Variants in ASH1L observed in about 807,000 individuals in gnomAD.
ASH1L encodes histone-lysine N-methyltransferase ASH1L.
A neutral mutation model predicts 269.0 loss-of-function variants in ASH1L; 23 were observed. That is an observed-to-expected ratio of 0.09 (90% CI 0.06 to 0.12). The LOEUF is 0.12. Among genes scored for constraint, ASH1L ranks in the 10% least tolerant of loss-of-function variants. The pLI, the probability that ASH1L is intolerant of heterozygous loss-of-function variation, is 1.00. For synonymous variants in ASH1L, 1,187 were observed against 1,253.5 expected, an observed-to-expected ratio of 0.95 and a Z score of 1.12; for missense variants, 2,912 against 3,567.8, an observed-to-expected ratio of 0.82 and a Z score of 4.68.
At chr1:155,354,161 G>A (rs1202433833) in intron 16 of ASH1L, among the ~76,000 whole-genome samples, 7 of 152,248 alleles carry the variant, frequency 4.6e-5, no homozygotes, top group Non-Finnish European at 8.8e-5. Context: ...GAGTGTGGTG[G>A]CTTACGCCTG....
intron 2 of ASH1L, among the ~76,000 whole-genome samples, chr1:155,488,999 T>C (rs955581983): frequency 2.6e-5 from 4 of 152,220 alleles, no homozygotes; most frequent in Admixed American, 2.0e-4. Context: ...CAAGTGTACA[T>C]TCTTTTATAC....
intron 6 of ASH1L, among the ~76,000 whole-genome samples, chr1:155,406,963 T>C (rs1262690569): frequency 6.6e-6 from 1 of 152,040 alleles, no homozygotes; most frequent in Non-Finnish European, 1.5e-5. Flanking sequence ...GATAATTAAA[T>C]GGCCTTCAAA....
chr1:155,352,024 C>A (rs1453600580), intron 17 of ASH1L, among the ~76,000 whole-genome samples: 1 of 151,708 alleles, frequency 6.6e-6, no homozygotes, highest in Non-Finnish European at 1.5e-5. Flanking sequence ...ATGGAATTTA[C>A]GGTGAGGGGC....
chr1:155,490,562 G>A (rs535001167), intron 2 of ASH1L, among the ~76,000 whole-genome samples: 17 of 151,308 alleles, frequency 1.1e-4, no homozygotes, highest in African/African-American at 1.7e-4. Context: ...AGATTGCAGT[G>A]AGCAAAGATC....
chr1:155,438,435 T>C lies in ASH1L; in HGVS notation c.5720A>G (p.Asn1907Ser). The change falls in exon 5 of 28, where the codon AAC becomes AGC. Residue 1907 changes from asparagine to serine, a missense_variant. Coordinates refer to ENST00000392403, the MANE Select transcript of ASH1L (RefSeq NM_018489.3). ...CTTCAACCCCTTTTTATGTTCTGGG[T>C]TCAGATTTACACTCTGAACAACAGC... ...IEAVVQSVNL[N>S]PEHKKGLKRK... is the part of the protein sequence containing the mutation. 1 of 1,613,820 alleles carries C rather than the reference T, an allele frequency of 6.2e-7. No homozygotes were observed. Among genetic ancestry groups the C allele is most frequent in the African/African-American group, 1.3e-5 (1 of 75,010 alleles).
chr1:155,416,373 C>G (rs1195717673), intron 5 of ASH1L, among the ~76,000 whole-genome samples: 2 of 152,252 alleles, frequency 1.3e-5, no homozygotes, highest in African/African-American at 4.8e-5. Flanking sequence ...CCTGCCTTGG[C>G]CTCCCAAGTG....
At chr1:155,458,952 C>CTTT (rs368224681) in intron 4 of ASH1L, among the ~76,000 whole-genome samples, 11 of 134,536 alleles carry the variant, frequency 8.2e-5, no homozygotes, top group African/African-American at 2.5e-4. Context: ...CATCCTCTCT[C>CTTT]TTTTTTTTTT....
chr1:155,484,746 T>C (rs1356130565), intron 2 of ASH1L, among the ~76,000 whole-genome samples: 1 of 147,138 alleles, frequency 6.8e-6, no homozygotes, highest in Non-Finnish European at 1.5e-5. Flanking sequence ...CTGGCCAACA[T>C]GGTGAAACCC....
At chr1:155,489,026 G>A (rs1666556820) in intron 2 of ASH1L, among the ~76,000 whole-genome samples, 2 of 152,106 alleles carry the variant, frequency 1.3e-5, no homozygotes, top group African/African-American at 2.4e-5. Context: ...AGCCAACAAT[G>A]CTTGCTGTTT....
In ASH1L at chr1:155,480,563, A is replaced by C; in HGVS notation, c.2307T>G (p.Phe769Leu). The C allele has an allele frequency of 6.2e-7, 1 of 1,614,168 alleles. No homozygotes were observed. The highest frequency in any genetic ancestry group is 8.5e-7 in the Non-Finnish European group (1 of 1,179,992). The stretch of plus-strand genomic sequence containing the variant: ...GGCGTTTAAGGAAGTCATGATCTAC[A>C]AATGAAGGGGGTCCAATGTTTTTCA... Reference protein sequence around the residue: ...KFMKNIGPPSFVDHDFLKRRL... With the variant: ...KFMKNIGPPSLVDHDFLKRRL... The change falls in exon 3 of 28, where the codon TTT becomes TTG. Residue 769 changes from phenylalanine (F) to leucine (L), a missense_variant. Physicochemically the swap from Phe to Leu is conservative, Grantham distance 22 (BLOSUM62 0). This residue lies in a region of ASH1L where 715 missense variants were observed against 721.0 expected (regional missense o/e 0.99). Coordinates refer to ENST00000392403, the MANE Select transcript of ASH1L (RefSeq NM_018489.3).
At chr1:155,391,428 T>G (rs927346278) in intron 7 of ASH1L, among the ~76,000 whole-genome samples, 1 of 152,228 alleles carries the variant, frequency 6.6e-6, no homozygotes, top group African/African-American at 2.4e-5. Flanking sequence ...GCTTGTTCAT[T>G]ATAAGCATAT....
rs753517242 is a variant in ASH1L at position 155,480,877 on chromosome 1, T to C, written c.1993A>G (p.Ile665Val). Residue 665 changes from isoleucine to valine, a missense_variant, in exon 3 of 28, where the codon ATT becomes GTT. Around this residue, in one of 13 missense-constraint regions of ASH1L, gnomAD observed 715 missense variants for 721.0 expected, o/e 0.99. Transcript: ENST00000392403. ...GTGAAGTTAACAACTGAAGGAGTAA[T>C]AGTATGAATGCTGGATTCAGAAGTC... ...SLTSESSIHT[I>V]TPSVVNFTSL... is the part of the protein sequence containing the mutation. 6 of 1,613,968 alleles carry C rather than the reference T, an allele frequency of 3.7e-6. No individual in the cohort carries two copies. The South Asian group carries it at 4.4e-5, about 12-fold the overall frequency.
chr1:155,551,409 C>T lies in ASH1L; in HGVS notation c.-100+10744G>A, dbSNP rs567277521. The stretch of plus-strand genomic sequence containing the variant: ...GGCGCAGTGGCTCACGCCTGTAATC[C>T]CAGCACTTTGGGAGGCCGAGGCGGG... On this transcript the variant is annotated intron_variant, in intron 1 of 27. Transcript: ENST00000392403. Among the ~76,000 whole-genome samples, 25 of 152,158 alleles carry T rather than the reference C, an allele frequency of 1.6e-4. No homozygotes were observed. In the South Asian group the frequency reaches 4.2e-3, roughly 25 times the overall value.
chr1:155,428,484 C>T (rs1172939467), intron 5 of ASH1L, among the ~76,000 whole-genome samples: 1 of 151,862 alleles, frequency 6.6e-6, no homozygotes, highest in African/African-American at 2.4e-5. Context: ...ACAGGCCCCC[C>T]AAAATCTGGC....
chr1:155,466,077 G>A (rs988701075), intron 3 of ASH1L, among the ~76,000 whole-genome samples: 3 of 152,132 alleles, frequency 2.0e-5, no homozygotes, highest in Non-Finnish European at 2.9e-5. Flanking sequence ...TGTTTTGGCC[G>A]GGCGCTGTGG....
chr1:155,440,635 C>A, intron 4 of ASH1L: 1 of 418,258 alleles, frequency 2.4e-6, no homozygotes, highest in Non-Finnish European at 3.2e-6. Flanking sequence ...TCCTTTTCTC[C>A]AACCTTTAAA....
chr1:155,354,361 T>C, intron 16 of ASH1L, 112 bp downstream of exon 16: 1 of 963,966 alleles, frequency 1.0e-6, no homozygotes, highest in Non-Finnish European at 1.5e-6. Flanking sequence ...GATAATTGCT[T>C]GAACCCAGGA....
intron 1 of ASH1L, among the ~76,000 whole-genome samples, chr1:155,550,437 A>C (rs960232699): frequency 1.2e-4 from 19 of 152,282 alleles, no homozygotes; most frequent in Admixed American, 1.0e-3. Flanking sequence ...GATACCTATC[A>C]AGTCTTTAAG....
At position 155,479,434 on chromosome 1, in the gene ASH1L, T is replaced by C. The variant is rs779914136; in HGVS notation, c.3436A>G (p.Ile1146Val). The C allele has an allele frequency of 1.9e-6, 3 of 1,614,054 alleles. No homozygotes were observed. In the African/African-American group the frequency reaches 4.0e-5, roughly 22 times the overall value. Residue 1146 changes from isoleucine to valine, a missense_variant, in exon 3 of 28, where the codon ATT becomes GTT. Ile to Val is a conservative substitution (Grantham distance 29). Around this residue, in one of 13 missense-constraint regions of ASH1L, gnomAD observed 157 missense variants for 154.6 expected, o/e 1.02. Coordinates refer to ENST00000392403, the MANE Select transcript of ASH1L (RefSeq NM_018489.3). ...LHLHSRQGSMIQTLAMKKASK... is the reference protein window; with the variant it reads ...LHLHSRQGSMVQTLAMKKASK... ...GCCTTCTTCATTGCAAGAGTCTGAA[T>C]CATACTGCCCTGTCTGGAGTGTAAA...
Sources: allele counts gnomAD v4.1 joint callset (sites outside exome capture counted in the v4.1 genomes callset), GRCh38; gene constraint gnomAD v4.1.1; regional missense constraint gnomAD v4.1.1; transcripts MANE v1.5; gene names NCBI Gene and HGNC (gene_info 2026-07-23, HGNC 2026-07-21).